MB21D2: variants seen among roughly 807,000 people sequenced by gnomAD.
The protein encoded by MB21D2 is nucleotidyltransferase MB21D2.
In MB21D2, 9 loss-of-function variants were observed where a neutral mutation model predicts 33.3. That is an observed-to-expected ratio of 0.27 (90% CI 0.16 to 0.47). MB21D2 has a LOEUF of 0.47. Ranked by LOEUF, MB21D2 falls within the 20% of genes least tolerant of loss-of-function variation. The pLI is 0.99. For missense variants in MB21D2, 540 were observed against 624.6 expected (o/e 0.86, Z 1.44); for synonymous variants, 241 against 236.3 (o/e 1.02, Z -0.18).
At chr3:192,828,624 A>T (rs1293344021) in intron 1 of MB21D2, among the ~76,000 whole-genome samples, 5 of 27,242 alleles carry the variant, frequency 1.8e-4, no homozygotes, top group African/African-American at 1.3e-3. Context: ...ATATATATAT[A>T]TATATATATA....
chr3:192,882,756 C>T (rs1477656617), intron 1 of MB21D2, among the ~76,000 whole-genome samples: 9 of 149,352 alleles, frequency 6.0e-5, no homozygotes, highest in South Asian at 2.1e-4. Context: ...TTCTTTGAGA[C>T]GGAGTTTCAC....
At chr3:192,886,099 ACAG>A (rs1713726824) in intron 1 of MB21D2, among the ~76,000 whole-genome samples, 1 of 151,970 alleles carries the variant, frequency 6.6e-6, no homozygotes, top group Non-Finnish European at 1.5e-5. Flanking sequence ...AGCTGGGATT[ACAG>A]GCGCCCACCT....
Position 192,799,308 on chromosome 3 carries a change from G to C in MB21D2, c.554C>G (p.Ala185Gly), listed in dbSNP as rs746745245. 23 of 1,614,122 alleles carry C rather than the reference G, an allele frequency of 1.4e-5. No homozygotes were observed. In the East Asian group the frequency reaches 5.1e-4, roughly 36 times the overall value. ...TNYFFSPTKV[A>G]DWFYDSISIV... The stretch of plus-strand genomic sequence containing the variant: ...GCTGATAGAGTCATAGAACCAGTCA[G>C]CCACTTTGGTAGGTGAGAAGAAGTA... Residue 185 changes from alanine (A) to glycine (G), a missense_variant, in exon 2 of 2, where the codon GCT becomes GGT. By Grantham distance (60) the Ala-to-Gly change is moderately conservative. Transcript: ENST00000392452. The surrounding 1 kb of genome is among the most constrained non-coding windows in gnomAD (Gnocchi z 4.1).
intron 1 of MB21D2, among the ~76,000 whole-genome samples, chr3:192,827,463 C>G (rs1412705909): frequency 6.6e-6 from 1 of 152,050 alleles, no homozygotes; most frequent in Non-Finnish European, 1.5e-5. Flanking sequence ...AACACATAGC[C>G]CAGTGCTGAC....
chr3:192,872,901 A>C (rs1380178666), intron 1 of MB21D2, among the ~76,000 whole-genome samples: 1 of 152,188 alleles, frequency 6.6e-6, no homozygotes, highest in African/African-American at 2.4e-5. Context: ...TCCCTTAGGA[A>C]GCTCAGCATA....
intron 1 of MB21D2, among the ~76,000 whole-genome samples, chr3:192,870,801 G>C (rs998036900): frequency 3.4e-5 from 5 of 148,070 alleles, no homozygotes; most frequent in African/African-American, 1.3e-4. Flanking sequence ...ATGCAAAACC[G>C]ATGTAGAAAC....
At chr3:192,846,334 T>C (rs1013550029) in intron 1 of MB21D2, among the ~76,000 whole-genome samples, 1 of 152,192 alleles carries the variant, frequency 6.6e-6, no homozygotes, top group African/African-American at 2.4e-5. Flanking sequence ...TAGAGAGTGC[T>C]TACTATAGGC....
intron 1 of MB21D2, among the ~76,000 whole-genome samples, chr3:192,820,227 C>T (rs1006654918): frequency 6.6e-6 from 1 of 152,024 alleles, no homozygotes; most frequent in Non-Finnish European, 1.5e-5. Context: ...GTATGCAGAA[C>T]CTTCAGACAG....
Position 192,896,405 on chromosome 3 carries a change from C to A in MB21D2, c.211+21225G>T, listed in dbSNP as rs116119516. Among the ~76,000 whole-genome samples the A allele has an allele frequency of 9.4e-3, 678 of 72,360 alleles. 5 individuals carry two copies. The highest frequency in any genetic ancestry group is 0.033 in the African/African-American group (653 of 19,912). 47.5% of individuals were successfully genotyped at this position (72,360 alleles called of 152,430 possible). On this transcript the variant is annotated intron_variant, in intron 1 of 1. Coordinates refer to ENST00000392452, the MANE Select transcript of MB21D2 (RefSeq NM_178496.4). Reference sequence around the variant, plus strand: ...CAGAGATGAGGTCTTTCTATGTTGTCCCCTGTTGTGCAGTCATAGTACACT... The same window carrying A: ...CAGAGATGAGGTCTTTCTATGTTGTACCCTGTTGTGCAGTCATAGTACACT...
chr3:192,852,565 TCTTTA>T (rs1712830153), intron 1 of MB21D2, among the ~76,000 whole-genome samples: 1 of 152,198 alleles, frequency 6.6e-6, no homozygotes, highest in African/African-American at 2.4e-5. Flanking sequence ...GAAAACAGTC[TCTTTA>T]CTTCATAGTG....
intron 1 of MB21D2, among the ~76,000 whole-genome samples, chr3:192,893,815 C>T (rs958025657): frequency 3.3e-5 from 5 of 152,082 alleles, no homozygotes; most frequent in Non-Finnish European, 1.5e-5. Context: ...GTGGGAGGAT[C>T]GCTTGAGGCC....
intron 1 of MB21D2, among the ~76,000 whole-genome samples, chr3:192,849,350 C>T (rs1003857520): frequency 6.7e-5 from 10 of 149,676 alleles, no homozygotes; most frequent in African/African-American, 2.2e-4. Context: ...TGGAGTCTCG[C>T]TCTGTTGCCC....
intron 1 of MB21D2, among the ~76,000 whole-genome samples, chr3:192,830,243 T>TGA (rs1577175909): frequency 2.9e-5 from 1 of 34,536 alleles, no homozygotes; most frequent in Non-Finnish European, 5.5e-5. Flanking sequence ...TGTGTGTGAG[T>TGA]GTGTGTGTGT....
intron 1 of MB21D2, among the ~76,000 whole-genome samples, chr3:192,820,180 G>A (rs770407281): frequency 1.3e-5 from 2 of 152,138 alleles, no homozygotes; most frequent in Non-Finnish European, 2.9e-5. Context: ...GAGCTAAGAT[G>A]TATAAAAGTA....
At chr3:192,917,358 G>C (rs1394379908) in intron 1 of MB21D2, among the ~76,000 whole-genome samples, 1 of 152,230 alleles carries the variant, frequency 6.6e-6, no homozygotes, top group Non-Finnish European at 1.5e-5. Flanking sequence ...TCACCTGCCT[G>C]CCAGCCCCAG....
chr3:192,811,160 C>A (rs1711780548), intron 1 of MB21D2, among the ~76,000 whole-genome samples: 1 of 152,152 alleles, frequency 6.6e-6, no homozygotes, highest in Admixed American at 6.5e-5. Context: ...AATGCCCTAG[C>A]TTCCCCAGAC....
At chr3:192,868,215 CCCATCCT>C (rs1196846910) in intron 1 of MB21D2, among the ~76,000 whole-genome samples, 5 of 152,206 alleles carry the variant, frequency 3.3e-5, no homozygotes, top group African/African-American at 1.2e-4. Flanking sequence ...CAGCTCTTAG[CCCATCCT>C]CACTATGGCA....
chr3:192,893,095 C>T (rs1337284605), intron 1 of MB21D2, among the ~76,000 whole-genome samples: 1 of 152,168 alleles, frequency 6.6e-6, no homozygotes, highest in Non-Finnish European at 1.5e-5. Context: ...GCCCAGCCAG[C>T]TGCCCAGAGC....
intron 1 of MB21D2, among the ~76,000 whole-genome samples, chr3:192,845,003 C>A (rs1384433835): frequency 6.6e-6 from 1 of 152,186 alleles, no homozygotes; most frequent in Non-Finnish European, 1.5e-5. Flanking sequence ...ACTTTTACAA[C>A]TGGTGATTAA....
Sources: gnomAD v4.1 joint callset for allele counts (sites outside exome capture counted in the v4.1 genomes callset) on GRCh38, gnomAD v4.1.1 for gene constraint, Gnocchi (gnomAD v3.1) non-coding constraint, MANE v1.5 for transcripts, NCBI Gene and HGNC (gene_info 2026-07-23, HGNC 2026-07-21) for gene names.